Variants in CUX1 observed in about 807,000 individuals in gnomAD.
The protein encoded by CUX1 is protein CASP.
CUX1 carries 31 observed loss-of-function variants against 158.8 expected under a neutral mutation model. The ratio of observed to expected loss-of-function variants is 0.20; its 90% CI spans 0.15 to 0.26. The LOEUF (loss-of-function observed/expected upper bound fraction) is 0.26. CUX1 is among the 10% of genes least tolerant of loss of function. The pLI is 1.00. For missense variants in CUX1, 1,589 were observed against 2,014.6 expected (o/e 0.79, Z 4.04); for synonymous variants, 879 against 862.1 (o/e 1.02, Z -0.34).
intron 1 of CUX1, among the ~76,000 whole-genome samples, chr7:101,877,774 GTGTGTGTGTGT>G (rs763226146): frequency 9.5e-6 from 1 of 105,254 alleles, no homozygotes; most frequent in African/African-American, 3.7e-5. Context: ...GTGTGTGTGT[GTGTGTGTGTGT>G]GTGTGTGTGT....
At chr7:101,964,067 C>T (rs993222339) in intron 2 of CUX1, among the ~76,000 whole-genome samples, 2 of 152,044 alleles carry the variant, frequency 1.3e-5, no homozygotes, top group Admixed American at 6.6e-5. Context: ...AATGACAAGG[C>T]GGTACCGGGC....
intron 1 of CUX1, among the ~76,000 whole-genome samples, chr7:101,857,749 G>A (rs572324568): frequency 7.1e-5 from 10 of 140,518 alleles, no homozygotes; most frequent in Non-Finnish European, 1.2e-4. Context: ...GCTTTGTTTC[G>A]TTTTATTTTG....
chr7:102,141,789 A>ATTTTTTTTTTTTTTTTT (rs71123009), intron 8 of CUX1, among the ~76,000 whole-genome samples: 3 of 102,570 alleles, frequency 2.9e-5, no homozygotes, highest in Non-Finnish European at 1.9e-5. Flanking sequence ...CTCTCAGCTA[A>ATTTTTTTTTTTTTTTTT]TTTTTTTTTT....
In CUX1 at chr7:101,914,727, GACCTCGGGTGATCCACCC is replaced by G. The variant is rs762767120; in HGVS notation, c.31-1380_31-1363del. On this transcript the variant is annotated intron_variant, in intron 1 of 23. Transcript: ENST00000292535. ...TTGGCCAGGCTGGTCTCAAACTCCT[GACCTCGGGTGATCCACCC>G]ACCTCGGCCTCCCAAAGTGCTGGGA... 2.0e-4 allele frequency among the ~76,000 whole-genome samples: 30 copies of G among 152,148 alleles called. No individual in the cohort carries two copies. The Middle Eastern group carries it at 0.01, about 52-fold the overall frequency.
rs139811748 is a variant in CUX1, at chr7:102,072,669, T to C, written c.268+2252T>C. Among the ~76,000 whole-genome samples, 914 of 152,290 alleles carry C rather than the reference T, an allele frequency of 6.0e-3. 9 individuals carry two copies. The highest frequency in any genetic ancestry group is 0.021 in the African/African-American group (879 of 41,562). On this transcript the variant is annotated intron_variant, in intron 4 of 23. Coordinates refer to ENST00000292535, the MANE Select transcript of CUX1 (RefSeq NM_181552.4). ...CTTAGGCGTGGCAAGTGGGGGTTTT[T>C]CCTTCGATTTAGTTCTAGGAAGTCA...
chr7:102,006,441 C>G (rs536155873), intron 2 of CUX1, among the ~76,000 whole-genome samples: 1 of 152,108 alleles, frequency 6.6e-6, no homozygotes, highest in African/African-American at 2.4e-5. Flanking sequence ...CTATCACCCA[C>G]GCTAGAGTGA....
intron 8 of CUX1, among the ~76,000 whole-genome samples, chr7:102,139,764 G>T (rs989668305): frequency 2.0e-5 from 3 of 151,888 alleles, no homozygotes; most frequent in Non-Finnish European, 4.4e-5. Context: ...CCATCCTCCT[G>T]CCTCACCCCC....
intron 7 of CUX1, among the ~76,000 whole-genome samples, chr7:102,112,783 C>A (rs986366257): frequency 9.9e-5 from 15 of 152,100 alleles, no homozygotes; most frequent in African/African-American, 3.6e-4. Context: ...ATTGGCCAGT[C>A]CGGTCTGTAT....
rs76279701 is a variant in CUX1 at position 101,981,253 on chromosome 7, G to T, written c.142-46845G>T. Among the ~76,000 whole-genome samples, 418 of 152,084 alleles carry T rather than the reference G, an allele frequency of 2.7e-3. 5 individuals carry two copies. The East Asian group carries it at 0.054, about 20-fold the overall frequency. ...CCCTTGCAGGACGTTTTCTACCACAGTTCCTCTCTCCTGACATAGTATGTG... is the reference window on the plus strand; with the variant it reads ...CCCTTGCAGGACGTTTTCTACCACATTTCCTCTCTCCTGACATAGTATGTG... On this transcript the variant is annotated intron_variant, in intron 2 of 23. Transcript: ENST00000292535.
chr7:102,001,793 T>C (rs903070086), intron 2 of CUX1, among the ~76,000 whole-genome samples: 2 of 152,186 alleles, frequency 1.3e-5, no homozygotes, highest in African/African-American at 4.8e-5. Flanking sequence ...CAAAACTCAC[T>C]CCTTCCTTCT....
At chr7:101,848,092 C>G (rs1213382230) in intron 1 of CUX1, among the ~76,000 whole-genome samples, 2 of 135,842 alleles carry the variant, frequency 1.5e-5, no homozygotes, top group East Asian at 4.3e-4. Flanking sequence ...AAAAAATAAA[C>G]TGCTTTATAT....
chr7:102,143,375 C>G (rs1366257881), intron 8 of CUX1, among the ~76,000 whole-genome samples: 1 of 152,182 alleles, frequency 6.6e-6, no homozygotes, highest in Non-Finnish European at 1.5e-5. Context: ...CTCAAACGAT[C>G]CACCCACATC....
intron 1 of CUX1, among the ~76,000 whole-genome samples, chr7:101,855,977 T>C (rs930660105): frequency 6.6e-6 from 1 of 151,340 alleles, no homozygotes; most frequent in South Asian, 2.1e-4. Context: ...CCCAGGAGTT[T>C]GTGACTAGCC....
At chr7:102,177,431 AAAAG>A (rs1792507610) in intron 10 of CUX1, among the ~76,000 whole-genome samples, 1 of 149,534 alleles carries the variant, frequency 6.7e-6, no homozygotes, top group Non-Finnish European at 1.5e-5. Flanking sequence ...AAAAAAAAAG[AAAAG>A]AAAAAGAAAA....
chr7:101,896,194 C>T (rs1218981520), intron 1 of CUX1, among the ~76,000 whole-genome samples: 1 of 151,972 alleles, frequency 6.6e-6, no homozygotes, highest in East Asian at 1.9e-4. Flanking sequence ...ATGCCTGGCT[C>T]ACCCATAAAA....
intron 11 of CUX1, among the ~76,000 whole-genome samples, chr7:102,185,882 G>T (rs1406158743): frequency 1.3e-5 from 2 of 152,118 alleles, no homozygotes; most frequent in African/African-American, 4.8e-5. Flanking sequence ...GGACCCCAGA[G>T]ATTTTTTTCT....
chr7:101,884,479 A>C lies in CUX1; in HGVS notation c.31-31636A>C, dbSNP rs925664854. On this transcript the variant is annotated intron_variant, in intron 1 of 23. Transcript: ENST00000292535. Reference sequence around the variant, plus strand: ...GTGCCATGTTGGGGCCTCATCCCAAAGACCTTGTGCTGTTTGGGACAGGTA... The same window carrying C: ...GTGCCATGTTGGGGCCTCATCCCAACGACCTTGTGCTGTTTGGGACAGGTA... 1.2e-4 allele frequency among the ~76,000 whole-genome samples: 18 copies of C among 152,170 alleles called. 2 individuals carry two copies. Among genetic ancestry groups the C allele is most frequent in the Admixed American group, 7.9e-4 (12 of 15,264 alleles).
At chr7:102,080,110 C>T (rs1199355328) in intron 4 of CUX1, among the ~76,000 whole-genome samples, 2 of 152,164 alleles carry the variant, frequency 1.3e-5, no homozygotes, top group Admixed American at 6.5e-5. Flanking sequence ...GGCCTGTTGC[C>T]GCCAGGTTTT....
At chr7:101,863,570 CA>C (rs1797676342) in intron 1 of CUX1, among the ~76,000 whole-genome samples, 1 of 152,208 alleles carries the variant, frequency 6.6e-6, no homozygotes, top group African/African-American at 2.4e-5. Context: ...AGGCTTGTCT[CA>C]AACTCCTGGC....
Sources: allele counts gnomAD v4.1 joint callset (sites outside exome capture counted in the v4.1 genomes callset), GRCh38; gene constraint gnomAD v4.1.1; transcripts MANE v1.5; gene names NCBI Gene and HGNC (gene_info 2026-07-23, HGNC 2026-07-21).